SOBP: variants seen among roughly 807,000 people sequenced by gnomAD.
SOBP encodes the protein sine oculis-binding protein homolog.
A neutral mutation model predicts 53.6 loss-of-function variants in SOBP; 4 were observed. The ratio of observed to expected loss-of-function variants is 0.07; its 90% CI spans 0.04 to 0.17. The LOEUF (loss-of-function observed/expected upper bound fraction) is 0.17, where lower values mean the gene tolerates loss of function less well. Ranked by LOEUF, SOBP falls within the 10% of genes least tolerant of loss-of-function variation. SOBP has a pLI of 1.00. For missense variants in SOBP, 1,088 were observed against 1,204.7 expected, an observed-to-expected ratio of 0.90 and a Z score of 1.43; for synonymous variants, 584 against 522.6, an observed-to-expected ratio of 1.12 and a Z score of -1.60.
At position 107,503,810 on chromosome 6, in the gene SOBP, T is replaced by C; in HGVS notation, c.235+15T>C. ...TGTTCTCAAAGGTAATGACATTTAA[T>C]GTCCTTTTGTTCATGCAAAGAAGGA... On this transcript the variant is annotated intron_variant, in intron 2 of 6. Coordinates refer to ENST00000317357, the MANE Select transcript of SOBP (RefSeq NM_018013.4). 1 of 1,613,608 alleles carries C rather than the reference T, an allele frequency of 6.2e-7. No homozygotes were observed. The highest frequency in any genetic ancestry group is 8.5e-7 in the Non-Finnish European group (1 of 1,180,010).
intron 5 of SOBP, among the ~76,000 whole-genome samples, chr6:107,603,831 C>T (rs1299105226): frequency 6.6e-6 from 1 of 152,138 alleles, no homozygotes. Flanking sequence ...TCCCCAGCCC[C>T]TGCAATAATG....
In SOBP at chr6:107,634,956, C is replaced by T; in HGVS notation, c.2112C>T (p.Gly704=). The T allele has an allele frequency of 4.8e-6, 5 of 1,036,986 alleles. No homozygotes were observed. The highest frequency in any genetic ancestry group is 5.8e-6 in the Non-Finnish European group (5 of 865,614). 64.2% of individuals were successfully genotyped at this position (1,036,986 alleles called of 1,614,324 possible). A position where few individuals can be genotyped will look rare whatever the true frequency, so the allele number is the denominator to read the frequency against. ...RDGHCSPPAA[G]DPGPGAPAGP... ...GCCACTGCAGCCCGCCCGCCGCCGG[C>T]GACCCAGGCCCGGGCGCCCCGGCGG... The change falls in exon 6 of 7, where the codon GGC becomes GGT. Residue 704 remains glycine, a synonymous_variant. Coordinates refer to ENST00000317357, the MANE Select transcript of SOBP (RefSeq NM_018013.4). The surrounding 1 kb of genome is among the most constrained non-coding windows in gnomAD (Gnocchi z 4.5).
At chr6:107,656,321 A>AGAC (rs1562131053) in intron 6 of SOBP, among the ~76,000 whole-genome samples, 1,156 of 30,790 alleles carry the variant, frequency 0.038, 3 homozygotes, top group Non-Finnish European at 0.082. Context: ...GAAAGAAAGA[A>AGAC]AGAAAGAAAG....
rs1335758727 is a variant in SOBP, at chr6:107,633,668, T to C, written c.824T>C (p.Leu275Pro). ...KETQANLPAGLCSTLHPPMEN... is the reference protein window; with the variant it reads ...KETQANLPAGPCSTLHPPMEN... ...ACCCAGGCCAATCTTCCAGCTGGGC[T>C]GTGCAGCACATTACACCCTCCCATG... The change falls in exon 6 of 7, where the codon CTG becomes CCG. Residue 275 changes from leucine to proline, a missense_variant. Around this residue, in one of 6 missense-constraint regions of SOBP, gnomAD observed 211 missense variants for 258.9 expected, o/e 0.82. Transcript: ENST00000317357. 6.2e-7 allele frequency: 1 copy of C among 1,614,246 alleles called. No individual in the cohort carries two copies. Among genetic ancestry groups the C allele is most frequent in the East Asian group, 2.2e-5 (1 of 44,886 alleles).
At chr6:107,515,305 AAAG>A (rs144505576) in intron 3 of SOBP, among the ~76,000 whole-genome samples, 253 of 152,368 alleles carry the variant, frequency 1.7e-3, no homozygotes, top group Middle Eastern at 0.014. Context: ...CAAACAAAGA[AAAG>A]AAGTTGGAGA....
At chr6:107,642,725 G>A (rs1411137100) in intron 6 of SOBP, among the ~76,000 whole-genome samples, 3 of 152,168 alleles carry the variant, frequency 2.0e-5, no homozygotes, top group Admixed American at 6.5e-5. Flanking sequence ...CCTCTGGTTT[G>A]TTGTCTGTCT....
intron 3 of SOBP, among the ~76,000 whole-genome samples, chr6:107,530,023 A>C (rs1021019068): frequency 6.6e-6 from 1 of 152,204 alleles, no homozygotes; most frequent in Non-Finnish European, 1.5e-5. Flanking sequence ...TTAATGCTGT[A>C]AACATTTTAC....
At chr6:107,614,089 A>G (rs1476403915) in intron 5 of SOBP, among the ~76,000 whole-genome samples, 1 of 152,140 alleles carries the variant, frequency 6.6e-6, no homozygotes, top group Admixed American at 6.5e-5. Flanking sequence ...GATGGTCTGG[A>G]TGTTATGATG....
intron 6 of SOBP, among the ~76,000 whole-genome samples, chr6:107,652,515 G>T (rs1211624013): frequency 6.6e-6 from 1 of 152,192 alleles, no homozygotes; most frequent in South Asian, 2.1e-4. Context: ...TCTGCTCCTG[G>T]TAAAGATGCT....
At chr6:107,620,797 C>G (rs1245987387) in intron 5 of SOBP, among the ~76,000 whole-genome samples, 1 of 152,222 alleles carries the variant, frequency 6.6e-6, no homozygotes, top group Non-Finnish European at 1.5e-5. Flanking sequence ...CTGTGTCTCA[C>G]CAGATCCAGG....
intron 4 of SOBP, among the ~76,000 whole-genome samples, chr6:107,553,574 C>T (rs1415795145): frequency 6.6e-6 from 1 of 151,970 alleles, no homozygotes; most frequent in Non-Finnish European, 1.5e-5. Flanking sequence ...GCAACCTCCG[C>T]CTCCCCAGTT....
At chr6:107,540,800 G>T (rs1384328931) in intron 4 of SOBP, among the ~76,000 whole-genome samples, 1 of 152,174 alleles carries the variant, frequency 6.6e-6, no homozygotes, top group African/African-American at 2.4e-5. Flanking sequence ...GCTAACAGAG[G>T]TTTAGTCACA....
chr6:107,613,031 G>A (rs998096746), intron 5 of SOBP, among the ~76,000 whole-genome samples: 2 of 152,148 alleles, frequency 1.3e-5, no homozygotes, highest in South Asian at 2.1e-4. Flanking sequence ...TGGCTATTGG[G>A]AATAATGCTG....
intron 4 of SOBP, among the ~76,000 whole-genome samples, chr6:107,576,918 A>G (rs1320267092): frequency 6.6e-6 from 1 of 152,200 alleles, no homozygotes; most frequent in African/African-American, 2.4e-5. Context: ...TTGTGACATC[A>G]TGTCTTTGAT....
chr6:107,608,359 T>A (rs187307898), intron 5 of SOBP, among the ~76,000 whole-genome samples: 27 of 152,288 alleles, frequency 1.8e-4, no homozygotes, highest in Non-Finnish European at 2.9e-5. Flanking sequence ...ATATACTTTA[T>A]GTGGAGGTGC....
At chr6:107,540,913 A>G (rs1473107542) in intron 4 of SOBP, among the ~76,000 whole-genome samples, 2 of 152,212 alleles carry the variant, frequency 1.3e-5, no homozygotes, top group Non-Finnish European at 2.9e-5. Context: ...TGCTTCTGTG[A>G]GGACTATTTT....
chr6:107,625,203 G>T (rs1010635675), intron 5 of SOBP, among the ~76,000 whole-genome samples: 1 of 152,186 alleles, frequency 6.6e-6, no homozygotes, highest in Non-Finnish European at 1.5e-5. Flanking sequence ...TCAAACTGGG[G>T]CTTGCAGTAG....
intron 3 of SOBP, among the ~76,000 whole-genome samples, chr6:107,513,403 TG>T (rs966933759): frequency 2.0e-5 from 3 of 152,222 alleles, no homozygotes; most frequent in African/African-American, 7.2e-5. Context: ...CTAACCTCTA[TG>T]TATATAGCTG....
intron 4 of SOBP, among the ~76,000 whole-genome samples, chr6:107,583,009 T>C (rs576312291): frequency 6.6e-6 from 1 of 152,376 alleles, no homozygotes; most frequent in African/African-American, 2.4e-5. Flanking sequence ...AAGGGGTCGT[T>C]GGTGTCCTAT....
Sources: gnomAD v4.1 joint callset for allele counts (sites outside exome capture counted in the v4.1 genomes callset) on GRCh38, gnomAD v4.1.1 for gene constraint, gnomAD v4.1.1 regional missense constraint, Gnocchi (gnomAD v3.1) non-coding constraint, MANE v1.5 for transcripts, NCBI Gene and HGNC (gene_info 2026-07-23, HGNC 2026-07-21) for gene names.